The following ATP2A3 variants were observed in gnomAD, a reference collection of about 807,000 sequenced individuals.
The protein encoded by ATP2A3 is sarcoplasmic/endoplasmic reticulum calcium ATPase 3.
In ATP2A3, 61 loss-of-function variants were observed where a neutral mutation model predicts 106.8. The observed-to-expected ratio is 0.57, with a 90% confidence interval of 0.46 to 0.71. The LOEUF (loss-of-function observed/expected upper bound fraction) is 0.71. Ranked by LOEUF, ATP2A3 falls within the 30% of genes least tolerant of loss-of-function variation. ATP2A3 has a pLI of 0.00. For missense variants in ATP2A3, 1,201 were observed against 1,423.5 expected, an observed-to-expected ratio of 0.84 and a Z score of 2.52; for synonymous variants, 611 against 609.3, an observed-to-expected ratio of 1.00 and a Z score of -0.04.
chr17:3,928,219 G>A lies in ATP2A3; in HGVS notation c.2980+444C>T, dbSNP rs1171522450. 6.2e-7 allele frequency: 1 copy of A among 1,613,272 alleles called. No homozygotes were observed. Among genetic ancestry groups the A allele is most frequent in the African/African-American group, 1.3e-5 (1 of 74,922 alleles). The stretch of plus-strand genomic sequence containing the variant: ...AACCCTCCCCTTGACCCACCCACAA[G>A]GTGATACCAAAGAGGCCAACCCGGT... On this transcript the variant is annotated intron_variant, in intron 20 of 20. Coordinates refer to ENST00000397041, the MANE Select transcript of ATP2A3 (RefSeq NM_005173.4). The surrounding 1 kb of genome is among the most constrained non-coding windows in gnomAD (Gnocchi z 6.1).
intron 1 of ATP2A3, among the ~76,000 whole-genome samples, chr17:3,958,573 C>T (rs183360438): frequency 6.6e-6 from 1 of 151,980 alleles, no homozygotes. Context: ...CCTCTGTTAG[C>T]CAAGCCTCAG....
chr17:3,951,543 A>AGC, intron 4 of ATP2A3, 38 bp downstream of exon 4: 1 of 1,387,006 alleles, frequency 7.2e-7, no homozygotes, highest in Non-Finnish European at 9.9e-7. Context: ...TGGCTGGGAG[A>AGC]CCGCCCCCCG....
At position 3,937,500 on chromosome 17, in the gene ATP2A3, G is replaced by A. The variant is rs1272974901; in HGVS notation, c.2237C>T (p.Ala746Val). 5 of 1,614,116 alleles carry A rather than the reference G, an allele frequency of 3.1e-6. No homozygotes were observed. Among genetic ancestry groups the A allele is most frequent in the African/African-American group, 1.3e-5 (1 of 75,044 alleles). ...SDDNFASIVA[A>V]VEEGRAIYSN... The stretch of plus-strand genomic sequence containing the variant: ...GTAGATGGCCCGGCCCTCCTCCACC[G>A]CAGCCACGATGGAGGCAAAGTTGTC... The change falls in exon 15 of 21, where the codon GCG becomes GTG. Residue 746 changes from alanine to valine, a missense_variant. Ala to Val is a moderately conservative substitution (Grantham distance 64). Coordinates refer to ENST00000397041, the MANE Select transcript of ATP2A3 (RefSeq NM_005173.4).
At chr17:3,940,158 G>C (rs977517926) in intron 14 of ATP2A3, among the ~76,000 whole-genome samples, 2 of 149,178 alleles carry the variant, frequency 1.3e-5, no homozygotes, top group Non-Finnish European at 3.0e-5. Flanking sequence ...ACCATGCCTG[G>C]CATTTTCCTA....
chr17:3,929,233 A>G lies in ATP2A3; in HGVS notation c.2862+95T>C. 1.7e-6 allele frequency: 2 copies of G among 1,154,122 alleles called. No individual in the cohort carries two copies. The highest frequency in any genetic ancestry group is 2.8e-5 in the South Asian group (2 of 70,542). 71.5% of individuals were successfully genotyped at this position (1,154,122 alleles called of 1,614,324 possible). ...CCTCTCACCTCCCTCTCCTCCAGGT[A>G]GTTTCCATTGCAGGGGGGCCAGAGA... is the stretch of plus-strand genomic sequence containing the variant. On this transcript the variant is annotated intron_variant, in intron 19 of 20. Transcript: ENST00000397041. The surrounding 1 kb of genome is among the most constrained non-coding windows in gnomAD (Gnocchi z 4.3).
rs1289065759 is a variant in ATP2A3 at position 3,930,089 on chromosome 17, G to A, written c.2744+212C>T. Among the ~76,000 whole-genome samples the A allele has an allele frequency of 6.9e-6, 1 of 145,766 alleles. No homozygotes were observed. The highest frequency in any genetic ancestry group is 6.9e-5 in the Admixed American group (1 of 14,434). On this transcript the variant is annotated intron_variant, in intron 18 of 20. Transcript: ENST00000397041. The surrounding 1 kb of genome is among the most constrained non-coding windows in gnomAD (Gnocchi z 5.4). Reference sequence around the variant, plus strand: ...CCCCCAAACATCAGACCCCAATCTTGGACCCTCTTGACCCACAGACCCCAA... The same window carrying A: ...CCCCCAAACATCAGACCCCAATCTTAGACCCTCTTGACCCACAGACCCCAA...
chr17:3,937,395 G>A (rs1414290357), intron 15 of ATP2A3, 21 bp downstream of exon 15: 7 of 1,604,556 alleles, frequency 4.4e-6, no homozygotes, highest in Non-Finnish European at 5.1e-6. Flanking sequence ...AGGGCTGAGA[G>A]GAGGGAAGGC....
At position 3,929,545 on chromosome 17, in the gene ATP2A3, A is replaced by T. The variant is rs894652597; in HGVS notation, c.2745-100T>A. ...AGCCTCACCACTTCTCTAGCGGTGC[A>T]TTGCTGTTGCCCGCTCGGCCTGCCA... On this transcript the variant is annotated intron_variant, in intron 18 of 20. Coordinates refer to ENST00000397041, the MANE Select transcript of ATP2A3 (RefSeq NM_005173.4). The surrounding 1 kb of genome is among the most constrained non-coding windows in gnomAD (Gnocchi z 4.3). 6.8e-6 allele frequency: 7 copies of T among 1,035,432 alleles called. No homozygotes were observed. In the African/African-American group the frequency reaches 1.1e-4, roughly 17 times the overall value. The allele number at this position is 1,035,432 out of a possible 1,614,324, so 64.1% of individuals were successfully genotyped here. A position where few individuals can be genotyped will look rare whatever the true frequency, so the allele number is the denominator to read the frequency against.
Position 3,943,439 on chromosome 17 carries a change from G to C in ATP2A3, c.1371C>G (p.Thr457=), listed in dbSNP as rs150705413. 2 of 1,614,030 alleles carry C rather than the reference G, an allele frequency of 1.2e-6. No individual in the cohort carries two copies. Among genetic ancestry groups the C allele is most frequent in the Non-Finnish European group, 1.7e-6 (2 of 1,179,996 alleles). The change falls in exon 11 of 21, where the codon ACC becomes ACG. Residue 457 remains threonine (T), a synonymous_variant. Coordinates refer to ENST00000397041, the MANE Select transcript of ATP2A3 (RefSeq NM_005173.4). ...CLVEKMNVFD[T]DLQALSRVER... is the part of the protein sequence containing the mutation. Reference sequence around the variant, plus strand: ...CCACCCGGGACAGAGCCTGCAGGTCGGTGTCGAACACGTTCATCTTCTCCA... The same window carrying C: ...CCACCCGGGACAGAGCCTGCAGGTCCGTGTCGAACACGTTCATCTTCTCCA...
intron 1 of ATP2A3, among the ~76,000 whole-genome samples, chr17:3,962,852 G>A (rs1597694467): frequency 6.6e-6 from 1 of 152,264 alleles, no homozygotes; most frequent in East Asian, 1.9e-4. Flanking sequence ...AGAGGCAGTG[G>A]GACCGCAGAC....
At position 3,925,383 on chromosome 17, in the gene ATP2A3, C is replaced by A; in HGVS notation, c.*39G>T. On this transcript the variant is annotated 3_prime_UTR_variant, in exon 21 of 21. Coordinates refer to ENST00000397041, the MANE Select transcript of ATP2A3 (RefSeq NM_005173.4). The surrounding 1 kb of genome is among the most constrained non-coding windows in gnomAD (Gnocchi z 4.2). ...AGGCGAACACATGGGCACCATCAGT[C>A]TGAGGTACACACCGGAGACTCCACT... 1 of 1,613,878 alleles carries A rather than the reference C, an allele frequency of 6.2e-7. No homozygotes were observed. Among genetic ancestry groups the A allele is most frequent in the Non-Finnish European group, 8.5e-7 (1 of 1,179,926 alleles).
chr17:3,940,736 G>A (rs1039187600), intron 14 of ATP2A3, among the ~76,000 whole-genome samples: 2 of 152,146 alleles, frequency 1.3e-5, no homozygotes, highest in Non-Finnish European at 2.9e-5. Context: ...TCGAACTCCT[G>A]ACCTCAACTG....
intron 13 of ATP2A3, 41 bp from the exon 14 acceptor site, chr17:3,941,347 C>G: frequency 6.2e-7 from 1 of 1,613,388 alleles, no homozygotes; most frequent in Non-Finnish European, 8.5e-7. Context: ...CTGAGCCCAT[C>G]CCTGACCTAC....
At chr17:3,944,985 C>G in intron 9 of ATP2A3, 75 bp downstream of exon 9, 1 of 1,325,740 alleles carries the variant, frequency 7.5e-7, no homozygotes, top group Admixed American at 4.0e-5. Flanking sequence ...GGGCCTCCCA[C>G]GGCCACCTCG....
At chr17:3,940,592 C>T (rs146087006) in intron 14 of ATP2A3, among the ~76,000 whole-genome samples, 69 of 152,326 alleles carry the variant, frequency 4.5e-4, no homozygotes, top group African/African-American at 1.4e-3. Context: ...ACTGCAACCT[C>T]TGCCTCCCGG....
chr17:3,951,360 G>A lies in ATP2A3; in HGVS notation c.354C>T (p.Ala118=), dbSNP rs2144646513. The A allele has an allele frequency of 6.2e-7, 1 of 1,613,744 alleles. No homozygotes were observed. Among genetic ancestry groups the A allele is most frequent in the East Asian group, 2.2e-5 (1 of 44,862 alleles). The change falls in exon 5 of 21, where the codon GCC becomes GCT. Residue 118 remains alanine, a synonymous_variant. Coordinates refer to ENST00000397041, the MANE Select transcript of ATP2A3 (RefSeq NM_005173.4). ...QERNAESAIE[A]LKEYEPEMGK... ...CCATCTCAGGCTCATACTCCTTCAGGGCCTCGATGGCACTCTCGGCGTTGC... is the reference window on the plus strand; with the variant it reads ...CCATCTCAGGCTCATACTCCTTCAGAGCCTCGATGGCACTCTCGGCGTTGC...
Position 3,947,783 on chromosome 17 carries a change from T to A in ATP2A3, c.703A>T (p.Ile235Phe). The A allele has an allele frequency of 2.5e-6, 4 of 1,602,342 alleles. No individual in the cohort carries two copies. The highest frequency in any genetic ancestry group is 3.4e-6 in the Non-Finnish European group (4 of 1,179,824). Residue 235 changes from isoleucine to phenylalanine, a missense_variant, in exon 8 of 21, where the codon ATC (isoleucine) becomes TTC (phenylalanine). Ile to Phe is a conservative substitution (Grantham distance 21). This residue lies in a region of ATP2A3 where 935 missense variants were observed against 1,176.7 expected (regional missense o/e 0.79). Coordinates refer to ENST00000397041, the MANE Select transcript of ATP2A3 (RefSeq NM_005173.4). The surrounding 1 kb of genome is among the most constrained non-coding windows in gnomAD (Gnocchi z 7.7). ...ATGLHTELGK[I>F]RSQMAAVEPE... ...TCGACTGCCGCCATCTGGCTCCGGATCTTGCCCAGCTCCGTGTGCAGGCCG... is the reference window on the plus strand; with the variant it reads ...TCGACTGCCGCCATCTGGCTCCGGAACTTGCCCAGCTCCGTGTGCAGGCCG...
At chr17:3,964,136 GC>G in intron 1 of ATP2A3, 37 bp downstream of exon 1, 5 of 1,057,450 alleles carry the variant, frequency 4.7e-6, no homozygotes, top group Middle Eastern at 4.0e-4. Flanking sequence ...GGCGCGCGCG[GC>G]CCCCGCTCCC....
chr17:3,935,200 A>G lies in ATP2A3; in HGVS notation c.2602T>C (p.Tyr868His), dbSNP rs2144351109. 1.2e-6 allele frequency: 2 copies of G among 1,614,082 alleles called. No homozygotes were observed. Among genetic ancestry groups the G allele is most frequent in the South Asian group, 2.2e-5 (2 of 91,086 alleles). ...YDAEGPHINFYQLRNFLKCSE... is the reference protein window; with the variant it reads ...YDAEGPHINFHQLRNFLKCSE... ...GGCCAGCCCTTGCTCACCAGCTGGT[A>G]GAAGTTGATGTGAGGTCCCTCGGCG... Residue 868 changes from tyrosine to histidine, a missense_variant, in exon 17 of 21, where the codon TAC (tyrosine) becomes CAC (histidine). Physicochemically the swap from Tyr to His is moderately conservative, Grantham distance 83. This residue lies in a region of ATP2A3 where 935 missense variants were observed against 1,176.7 expected (regional missense o/e 0.79). Transcript: ENST00000397041.
Sources: gnomAD v4.1 joint callset for allele counts (sites outside exome capture counted in the v4.1 genomes callset) on GRCh38, gnomAD v4.1.1 for gene constraint, gnomAD v4.1.1 regional missense constraint, Gnocchi (gnomAD v3.1) non-coding constraint, MANE v1.5 for transcripts, NCBI Gene and HGNC (gene_info 2026-07-23, HGNC 2026-07-21) for gene names.